Variants in SH3BP2 observed in about 807,000 individuals in gnomAD.
SH3BP2 encodes SH3 domain binding protein 2.
A neutral mutation model predicts 56.2 loss-of-function variants in SH3BP2; 38 were observed. The ratio of observed to expected loss-of-function variants is 0.68; its 90% CI spans 0.52 to 0.89. The LOEUF is 0.89. Ranked by LOEUF, SH3BP2 falls within the 40% of genes least tolerant of loss-of-function variation. The pLI is 0.00. For missense variants in SH3BP2, 748 were observed against 762.6 expected (o/e 0.98, Z 0.23); for synonymous variants, 346 against 316.7 (o/e 1.09, Z -0.98).
rs1230004513 is a variant in SH3BP2, at chr4:2,836,955, T to G, written c.*3121T>G. On this transcript the variant is annotated 3_prime_UTR_variant, in exon 13 of 13. Transcript: ENST00000503393. ...TTTGGGAAGCACCCCCAGCCCAGGG[T>G]GAAACATGCTTCTTCTCTTCCTGTG... The G allele has an allele frequency of 6.6e-6, 1 of 152,194 alleles. No individual in the cohort carries two copies. The highest frequency in any genetic ancestry group is 1.9e-4 in the East Asian group (1 of 5,198). The allele number at this position is 152,194 out of a possible 1,614,324, so 9.4% of individuals were successfully genotyped here.
chr4:2,819,381 T>C (rs1482826848), intron 1 of SH3BP2, among the ~76,000 whole-genome samples: 1 of 150,174 alleles, frequency 6.7e-6, no homozygotes. Flanking sequence ...CCACCATGCC[T>C]GACTAATTAA....
chr4:2,802,960 C>T (rs1051179875), intron 1 of SH3BP2, among the ~76,000 whole-genome samples: 1 of 152,342 alleles, frequency 6.6e-6, no homozygotes, highest in Non-Finnish European at 1.5e-5. Flanking sequence ...GCCTGGGCCC[C>T]AGCGTCCTTT....
At chr4:2,832,230 C>A in intron 10 of SH3BP2, 101 bp from the exon 11 acceptor site, 1 of 1,141,412 alleles carries the variant, frequency 8.8e-7, no homozygotes, top group Non-Finnish European at 1.3e-6. Context: ...AGACCTACAA[C>A]AGCGAGAGGA....
At chr4:2,818,216 C>T in intron 1 of SH3BP2, 2 of 987,442 alleles carry the variant, frequency 2.0e-6, no homozygotes, top group South Asian at 4.6e-5. Flanking sequence ...AGGCCAGGGC[C>T]GGCGGGCATG....
intron 6 of SH3BP2, 91 bp from the exon 7 acceptor site, chr4:2,827,515 T>C: frequency 7.1e-7 from 1 of 1,400,516 alleles, no homozygotes; most frequent in Admixed American, 2.0e-5. Flanking sequence ...GCTTGCCCCT[T>C]GCCTCCTGGA....
chr4:2,797,433 G>A (rs1008686188), intron 1 of SH3BP2, among the ~76,000 whole-genome samples: 2 of 152,212 alleles, frequency 1.3e-5, no homozygotes, highest in Non-Finnish European at 2.9e-5. Context: ...CTGGGCCCTG[G>A]GCTAGGCATG....
At chr4:2,809,745 A>T in intron 1 of SH3BP2, 1 of 980,920 alleles carries the variant, frequency 1.0e-6, no homozygotes, top group Non-Finnish European at 1.2e-6. Flanking sequence ...GGCTCCCAGA[A>T]CCCAGTGAAA....
At chr4:2,796,198 G>A (rs1325633730) in intron 1 of SH3BP2, among the ~76,000 whole-genome samples, 1 of 152,218 alleles carries the variant, frequency 6.6e-6, no homozygotes, top group South Asian at 2.1e-4. Flanking sequence ...CCACGCTGCT[G>A]GATTTGGGTT....
intron 1 of SH3BP2, among the ~76,000 whole-genome samples, chr4:2,797,903 C>T (rs955923587): frequency 2.0e-5 from 3 of 152,228 alleles, no homozygotes; most frequent in African/African-American, 7.2e-5. Context: ...TTGTCACTCC[C>T]CCCACCTGTG....
At chr4:2,812,649 C>A (rs1020510294) in intron 1 of SH3BP2, among the ~76,000 whole-genome samples, 15 of 152,206 alleles carry the variant, frequency 9.9e-5, no homozygotes, top group African/African-American at 3.4e-4. Flanking sequence ...AGGAGAGTGG[C>A]CTCTGTCTGC....
At position 2,831,848 on chromosome 4, in the gene SH3BP2, G is replaced by A; in HGVS notation, c.1351-75G>A. On this transcript the variant is annotated intron_variant, in intron 9 of 12. Transcript: ENST00000503393. This position sits in a 1 kb window ranked among gnomAD's most constrained non-coding sequence, Gnocchi z 4.1. ...GTAAAGCCCCGGATCCCGGCACCGG[G>A]TGGCCACCGTCCGGGGAGTGGTGGT... 9.2e-6 allele frequency: 14 copies of A among 1,528,702 alleles called. No homozygotes were observed. Among genetic ancestry groups the A allele is most frequent in the Non-Finnish European group, 1.3e-5 (14 of 1,109,866 alleles). 94.7% of individuals were successfully genotyped at this position (1,528,702 alleles called of 1,614,324 possible).
chr4:2,820,889 C>T (rs920057323), intron 2 of SH3BP2, 136 bp downstream of exon 2: 2 of 1,035,078 alleles, frequency 1.9e-6, no homozygotes, highest in South Asian at 1.6e-5. Context: ...TCTCTGGTGG[C>T]TGGCACCCCT....
At chr4:2,812,303 A>G (rs1297730968) in intron 1 of SH3BP2, 2 of 1,548,442 alleles carry the variant, frequency 1.3e-6, no homozygotes, top group Non-Finnish European at 1.7e-6. Flanking sequence ...AAGCAGCAGG[A>G]GTGAGCTGTG....
At chr4:2,809,275 G>A (rs1054261902) in intron 1 of SH3BP2, among the ~76,000 whole-genome samples, 1 of 147,624 alleles carries the variant, frequency 6.8e-6, no homozygotes, top group African/African-American at 2.5e-5. Flanking sequence ...CACTCTCCTA[G>A]GGCTCAGTGC....
At chr4:2,808,774 C>G (rs1723634700) in intron 1 of SH3BP2, among the ~76,000 whole-genome samples, 1 of 149,388 alleles carries the variant, frequency 6.7e-6, no homozygotes, top group African/African-American at 2.5e-5. Context: ...CTGTGCCCAC[C>G]CACCCTCCTA....
chr4:2,824,937 C>G (rs1357030299), intron 4 of SH3BP2, 189 bp from the exon 5 acceptor site: 5 of 681,762 alleles, frequency 7.3e-6, no homozygotes, highest in Admixed American at 6.8e-5. Context: ...AGCGCCCACA[C>G]AAGGAACATG....
In SH3BP2 at chr4:2,832,155, G is replaced by A. The variant is rs550758242; in HGVS notation, c.1407-176G>A. 6.1e-5 allele frequency: 58 copies of A among 945,366 alleles called. No homozygotes were observed. The Middle Eastern group carries it at 1.7e-3, about 27-fold the overall frequency. 58.6% of individuals were successfully genotyped at this position (945,366 alleles called of 1,614,324 possible). Reference sequence around the variant, plus strand: ...TGTCCCATGCCCAGCTGGCACCCTGGCTGGCCAGGGCTCTGCTGGGCTGCT... The same window carrying A: ...TGTCCCATGCCCAGCTGGCACCCTGACTGGCCAGGGCTCTGCTGGGCTGCT... On this transcript the variant is annotated intron_variant, in intron 10 of 12. Coordinates refer to ENST00000503393, the MANE Select transcript of SH3BP2 (RefSeq NM_001122681.2).
rs1468737972 is a variant in SH3BP2 at position 2,839,605 on chromosome 4, G to T, written c.*5771G>T. 1 of 151,664 alleles carries T rather than the reference G, an allele frequency of 6.6e-6. No homozygotes were observed. Among genetic ancestry groups the T allele is most frequent in the Non-Finnish European group, 1.5e-5 (1 of 67,990 alleles). The allele number at this position is 151,664 out of a possible 1,614,324, so 9.4% of individuals were successfully genotyped here. A position where few individuals can be genotyped will look rare whatever the true frequency, so the allele number is the denominator to read the frequency against. Reference sequence around the variant, plus strand: ...GTTTTTTGAGACAAGGTCTTGCTCTGTCACCCAGGCTGGAGTGTTATGGCA... The same window carrying T: ...GTTTTTTGAGACAAGGTCTTGCTCTTTCACCCAGGCTGGAGTGTTATGGCA... On this transcript the variant is annotated 3_prime_UTR_variant, in exon 13 of 13. Coordinates refer to ENST00000503393, the MANE Select transcript of SH3BP2 (RefSeq NM_001122681.2).
In SH3BP2 at chr4:2,810,896, C is replaced by T. The variant is rs1314324362; in HGVS notation, c.-4-9718C>T. On this transcript the variant is annotated intron_variant, in intron 1 of 12. Coordinates refer to ENST00000503393, the MANE Select transcript of SH3BP2 (RefSeq NM_001122681.2). This position sits in a 1 kb window ranked among gnomAD's most constrained non-coding sequence, Gnocchi z 4.2. The stretch of plus-strand genomic sequence containing the variant: ...GGAGGAAAGAGAATGGGAAGAGGCC[C>T]CACTCTGTCCGTGCCCTCCTCGCTG... Among the ~76,000 whole-genome samples the T allele has an allele frequency of 1.3e-5, 2 of 152,228 alleles. No individual in the cohort carries two copies. Among genetic ancestry groups the T allele is most frequent in the African/African-American group, 2.4e-5 (1 of 41,470 alleles).
Sources: allele counts gnomAD v4.1 joint callset (sites outside exome capture counted in the v4.1 genomes callset), GRCh38; gene constraint gnomAD v4.1.1; non-coding constraint Gnocchi (gnomAD v3.1); transcripts MANE v1.5; gene names NCBI Gene and HGNC (gene_info 2026-07-23, HGNC 2026-07-21).